The following COL6A5 variants were observed in gnomAD, a reference collection of about 807,000 sequenced individuals.
COL6A5 encodes the protein collagen alpha-5(VI) chain.
In COL6A5, 48 loss-of-function variants were observed where a neutral mutation model predicts 65.6. That is an observed-to-expected ratio of 0.73 (90% CI 0.58 to 0.93). The LOEUF (loss-of-function observed/expected upper bound fraction) is 0.93. Among genes scored for constraint, COL6A5 ranks in the 40% least tolerant of loss-of-function variants. The probability of loss-of-function intolerance (pLI) is 0.00; values close to 1 mark genes in which losing one functional copy is unlikely to be tolerated. For missense variants in COL6A5, 914 were observed against 928.3 expected, an observed-to-expected ratio of 0.98 and a Z score of 0.20; for synonymous variants, 291 against 322.8, an observed-to-expected ratio of 0.90 and a Z score of 1.05.
chr3:130,425,201 A>G (rs557617845), intron 29 of COL6A5, among the ~76,000 whole-genome samples: 9 of 152,280 alleles, frequency 5.9e-5, no homozygotes, highest in South Asian at 2.1e-4. Flanking sequence ...ATGTGTCCCA[A>G]TGGGTACGAC....
chr3:130,432,398 C>T (rs1937858054), intron 1 of COL6A5, among the ~76,000 whole-genome samples: 1 of 151,910 alleles, frequency 6.6e-6, no homozygotes, highest in South Asian at 2.1e-4. Flanking sequence ...ACTAAAAATA[C>T]AAAAATTAGC....
At position 130,397,929 on chromosome 3, in the gene COL6A5, C is replaced by T. The variant is rs1459400343; in HGVS notation, c.3909+6C>T. 1 of 1,549,376 alleles carries T rather than the reference C, an allele frequency of 6.5e-7. No homozygotes were observed. Among genetic ancestry groups the T allele is most frequent in the South Asian group, 1.2e-5 (1 of 84,000 alleles). ...AATCTGCATCCCGGGGCCAGGTATC[C>T]ATATTACATTCTATCTCCCATCTCC... On this transcript the variant is annotated splice_donor_region_variant and intron_variant and NMD_transcript_variant, in intron 9 of 41. Transcript: ENST00000312481.
At chr3:130,419,658 C>A (rs1937467464) in intron 25 of COL6A5, among the ~76,000 whole-genome samples, 1 of 151,948 alleles carries the variant, frequency 6.6e-6, no homozygotes, top group Non-Finnish European at 1.5e-5. Flanking sequence ...TGAAATAAAC[C>A]AGGCATGGAA....
intron 1 of COL6A5, among the ~76,000 whole-genome samples, chr3:130,355,294 A>G (rs577890148): frequency 2.0e-5 from 3 of 152,226 alleles, no homozygotes; most frequent in South Asian, 4.1e-4. Flanking sequence ...AAGAAAAGCT[A>G]TGATATAAAA....
At chr3:130,429,452 T>G, upstream of COL6A5, 1 of 758,496 alleles carries the variant, frequency 1.3e-6, no homozygotes, top group Non-Finnish European at 2.1e-6. Context: ...CACTTAGGAA[T>G]TAGCCTCATT....
intron 5 of COL6A5, among the ~76,000 whole-genome samples, chr3:130,467,477 A>G (rs2107612537): frequency 6.6e-6 from 1 of 151,510 alleles, no homozygotes; most frequent in East Asian, 1.9e-4. Context: ...CCAAAACTAG[A>G]CGAAGACATT....
At chr3:130,388,985 T>C (rs1293473779) in exon 6 of COL6A5, 3 of 1,548,746 alleles carry the variant, frequency 1.9e-6, no homozygotes, top group Non-Finnish European at 2.6e-6. Flanking sequence ...GGCAAAGATG[T>C]GACCATCTTC....
At chr3:130,453,224 G>A (rs1023671421) in intron 4 of COL6A5, among the ~76,000 whole-genome samples, 3 of 152,044 alleles carry the variant, frequency 2.0e-5, no homozygotes, top group Non-Finnish European at 2.9e-5. Flanking sequence ...TTGGGGAAGT[G>A]ATAAGTGTCC....
rs145719077 is a variant in COL6A5 at position 130,368,929 on chromosome 3, C to A, written c.-28-4682C>A. Among the ~76,000 whole-genome samples the A allele has an allele frequency of 3.9e-5, 6 of 152,320 alleles. 1 individual carries two copies. Among genetic ancestry groups the A allele is most frequent in the Middle Eastern group, 6.8e-3 (2 of 294 alleles). ...GCTAAGCCGAGAATTTAAGCTTTAGCTCAGCCATGGACTGGTTCTGTGACC... is the reference window on the plus strand; with the variant it reads ...GCTAAGCCGAGAATTTAAGCTTTAGATCAGCCATGGACTGGTTCTGTGACC... On this transcript the variant is annotated intron_variant and NMD_transcript_variant, in intron 1 of 41. Coordinates refer to the COL6A5 transcript ENST00000312481.
At chr3:130,466,605 G>A (rs1709823582) in intron 5 of COL6A5, among the ~76,000 whole-genome samples, 2 of 151,490 alleles carry the variant, frequency 1.3e-5, no homozygotes, top group Non-Finnish European at 3.0e-5. Flanking sequence ...GTGGGAGAAA[G>A]AAAATAATGA....
chr3:130,425,592 T>C (rs980707549), intron 29 of COL6A5, among the ~76,000 whole-genome samples: 1 of 152,156 alleles, frequency 6.6e-6, no homozygotes, highest in Non-Finnish European at 1.5e-5. Flanking sequence ...TTTCAGGAAG[T>C]CTTCCCTGAT....
chr3:130,421,910 C>G (rs998077377), intron 27 of COL6A5, among the ~76,000 whole-genome samples: 1 of 152,012 alleles, frequency 6.6e-6, no homozygotes, highest in Non-Finnish European at 1.5e-5. Flanking sequence ...TAGGAACAGA[C>G]ATACCTTTCA....
At chr3:130,419,799 C>T (rs186878237) in intron 25 of COL6A5, among the ~76,000 whole-genome samples, 45 of 151,900 alleles carry the variant, frequency 3.0e-4, no homozygotes, top group Non-Finnish European at 5.3e-4. Flanking sequence ...TACAAAATTT[C>T]AATTAGAAAG....
At position 130,413,494 on chromosome 3, in the gene COL6A5, AC is replaced by A. The variant is rs545765569; in HGVS notation, c.4663-47del. On this transcript the variant is annotated intron_variant and NMD_transcript_variant, in intron 20 of 41. Transcript: ENST00000312481. ...GAAAGAGGCTGATTTGCCTCAAGGA[AC>A]CCCTCCATTCAGACATCCACATACT... 3.1e-4 allele frequency: 461 copies of A among 1,506,188 alleles called. 5 individuals are homozygous for A. In the East Asian group the frequency reaches 0.011, roughly 36 times the overall value. 93.3% of individuals were successfully genotyped at this position (1,506,188 alleles called of 1,614,324 possible). A position where few individuals can be genotyped will look rare whatever the true frequency, so the allele number is the denominator to read the frequency against.
At chr3:130,470,556 T>TAAAAAAAAAAAA (rs1559920041) in intron 6 of COL6A5, among the ~76,000 whole-genome samples, 1 of 151,968 alleles carries the variant, frequency 6.6e-6, no homozygotes, top group African/African-American at 2.4e-5. Flanking sequence ...AAACATTTTT[T>TAAAAAAAAAAAA]AAAAAATAGT....
chr3:130,351,781 A>G (rs890641960), intron 1 of COL6A5, among the ~76,000 whole-genome samples: 3 of 152,198 alleles, frequency 2.0e-5, no homozygotes, highest in Non-Finnish European at 2.9e-5. Flanking sequence ...TAGAAATACC[A>G]TTTGACCCAG....
intron 1 of COL6A5, among the ~76,000 whole-genome samples, chr3:130,438,783 C>T (rs1376730086): frequency 1.3e-5 from 2 of 152,132 alleles, no homozygotes; most frequent in Non-Finnish European, 1.5e-5. Context: ...ATCTGTTTTG[C>T]ATGGTGCCTC....
intron 1 of COL6A5, among the ~76,000 whole-genome samples, chr3:130,356,359 T>C (rs1260416348): frequency 6.6e-6 from 1 of 152,016 alleles, no homozygotes; most frequent in Non-Finnish European, 1.5e-5. Flanking sequence ...TCCTTGAGAG[T>C]TAAGATAGGC....
exon 13 of COL6A5, chr3:130,403,637 G>T: frequency 6.4e-7 from 1 of 1,551,064 alleles, no homozygotes; most frequent in Non-Finnish European, 8.7e-7. Context: ...GGCAGCAGAG[G>T]ACACAGGGGA....
Sources: allele counts gnomAD v4.1 joint callset (sites outside exome capture counted in the v4.1 genomes callset), GRCh38; gene constraint gnomAD v4.1.1; transcripts MANE v1.5; gene names NCBI Gene and HGNC (gene_info 2026-07-23, HGNC 2026-07-21).